The following SYT14 variants were observed in gnomAD, a reference collection of about 807,000 sequenced individuals.
SYT14 encodes synaptotagmin 14, also known as synaptotagmin-14.
In SYT14, 32 loss-of-function variants were observed where a neutral mutation model predicts 74.2. The observed-to-expected ratio is 0.43, with a 90% CI of 0.33 to 0.58. SYT14 has a LOEUF of 0.58. SYT14 is among the 20% of genes least tolerant of loss of function. The probability of loss-of-function intolerance (pLI) is 0.05; values close to 1 mark genes in which losing one functional copy is unlikely to be tolerated. For missense variants in SYT14, 791 were observed against 981.8 expected, an observed-to-expected ratio of 0.81 and a Z score of 2.60; for synonymous variants, 298 against 337.7, an observed-to-expected ratio of 0.88 and a Z score of 1.29.
rs575227959 is a variant in SYT14, at chr1:210,078,743, C to T, written c.1313-15579C>T. Among the ~76,000 whole-genome samples the T allele has an allele frequency of 9.1e-5, 13 of 142,736 alleles. 2 individuals carry two copies. The South Asian group carries it at 2.3e-3, about 26-fold the overall frequency. The allele number at this position is 142,736 out of a possible 152,430, so 93.6% of individuals were successfully genotyped here. ...GACCGTCTATGAATAATATGATATA[C>T]GTATGAATTTTTTTTTTTTTTGAGA... On this transcript the variant is annotated intron_variant, in intron 5 of 9. Transcript: ENST00000637265.
chr1:210,005,521 C>T (rs1217757600), intron 2 of SYT14, among the ~76,000 whole-genome samples: 2 of 151,770 alleles, frequency 1.3e-5, no homozygotes, highest in Non-Finnish European at 2.9e-5. Context: ...AAGCAGTGAC[C>T]TTAGATATTG....
intron 2 of SYT14, among the ~76,000 whole-genome samples, chr1:210,010,426 TG>T (rs2102910296): frequency 6.6e-6 from 1 of 152,286 alleles, no homozygotes; most frequent in African/African-American, 2.4e-5. Flanking sequence ...TGCCCATTAG[TG>T]CTTATAGAAT....
rs571211624 is a variant in SYT14 at position 210,034,294 on chromosome 1, A to G, written c.1312+13040A>G. On this transcript the variant is annotated intron_variant, in intron 5 of 9. Transcript: ENST00000637265. Reference sequence around the variant, plus strand: ...TAATGCACCAAACTTCTCCACTGAAATAACTTAGATAACATAATATGAGAA... The same window carrying G: ...TAATGCACCAAACTTCTCCACTGAAGTAACTTAGATAACATAATATGAGAA... 5.7e-4 allele frequency among the ~76,000 whole-genome samples: 86 copies of G among 151,908 alleles called. 1 individual carries two copies. The highest frequency in any genetic ancestry group is 2.0e-3 in the African/African-American group (84 of 41,538).
exon 1 of SYT14, chr1:209,938,230 G>C (rs766265342): frequency 1.3e-6 from 2 of 1,526,742 alleles, no homozygotes. Context: ...TGCTGCCCCC[G>C]CCATCCAGTT....
At chr1:210,077,927 C>T (rs915836354) in intron 5 of SYT14, among the ~76,000 whole-genome samples, 4 of 152,134 alleles carry the variant, frequency 2.6e-5, no homozygotes, top group African/African-American at 9.7e-5. Context: ...AGGTTTTATA[C>T]TAGAACTGAA....
At chr1:210,069,224 T>C (rs913716534) in intron 5 of SYT14, among the ~76,000 whole-genome samples, 9 of 151,972 alleles carry the variant, frequency 5.9e-5, no homozygotes, top group African/African-American at 2.2e-4. Context: ...TAATATCTAT[T>C]GTATCCAACA....
At chr1:209,954,001 C>T (rs1412346377) in intron 2 of SYT14, among the ~76,000 whole-genome samples, 4 of 152,180 alleles carry the variant, frequency 2.6e-5, no homozygotes, top group Non-Finnish European at 2.9e-5. Flanking sequence ...CTGCTGTATA[C>T]ATAAATCCAG....
chr1:209,942,439 C>A (rs1201819760), intron 1 of SYT14, among the ~76,000 whole-genome samples: 1 of 140,186 alleles, frequency 7.1e-6, no homozygotes, highest in Non-Finnish European at 1.5e-5. Context: ...AGTTAAAAAC[C>A]TGGACAACAA....
chr1:210,153,922 T>C (rs2102707445), intron 7 of SYT14, among the ~76,000 whole-genome samples: 1 of 152,336 alleles, frequency 6.6e-6, no homozygotes, highest in East Asian at 1.9e-4. Flanking sequence ...TCTAGATTCA[T>C]GAATGAGAAA....
At chr1:209,975,795 G>C (rs1485664134) in intron 2 of SYT14, among the ~76,000 whole-genome samples, 1 of 152,162 alleles carries the variant, frequency 6.6e-6, no homozygotes, top group Non-Finnish European at 1.5e-5. Flanking sequence ...GCTCCTCCTT[G>C]TACCTCTGGT....
chr1:210,111,018 A>ACTGCTGCTTGGTCTCC (rs2082251792), intron 7 of SYT14, among the ~76,000 whole-genome samples: 1 of 152,244 alleles, frequency 6.6e-6, no homozygotes, highest in Non-Finnish European at 1.5e-5. Flanking sequence ...TGCTGGGATT[A>ACTGCTGCTTGGTCTCC]CAGGTGTGAG....
intron 7 of SYT14, among the ~76,000 whole-genome samples, chr1:210,147,046 G>T (rs888323009): frequency 2.0e-5 from 3 of 151,998 alleles, no homozygotes; most frequent in African/African-American, 7.2e-5. Context: ...GGTCCACCAT[G>T]AATGACAGTA....
intron 2 of SYT14, among the ~76,000 whole-genome samples, chr1:209,991,809 G>A (rs1001096619): frequency 5.3e-5 from 8 of 150,054 alleles, no homozygotes; most frequent in African/African-American, 1.5e-4. Context: ...CAGCCTGGGC[G>A]ATAAAGCGAG....
chr1:210,157,485 T>A (rs760314104), intron 8 of SYT14, among the ~76,000 whole-genome samples: 29 of 150,914 alleles, frequency 1.9e-4, no homozygotes, highest in Admixed American at 9.9e-4. Context: ...CACAAGGGCC[T>A]GTAATCCCAG....
At chr1:210,167,123 G>A (rs1201875547) in exon 10 of SYT14, 1 of 152,112 alleles carries the variant, frequency 6.6e-6, no homozygotes, top group East Asian at 1.9e-4. Context: ...GTGAAGAATG[G>A]GGAGGTATTT....
chr1:210,079,479 A>G (rs2081579355), intron 5 of SYT14, among the ~76,000 whole-genome samples: 1 of 152,188 alleles, frequency 6.6e-6, no homozygotes, highest in South Asian at 2.1e-4. Flanking sequence ...AAAACGTAAT[A>G]GTGAAGATAT....
At chr1:210,140,284 T>C (rs1283303952) in intron 7 of SYT14, among the ~76,000 whole-genome samples, 5 of 152,180 alleles carry the variant, frequency 3.3e-5, no homozygotes, top group Non-Finnish European at 7.4e-5. Context: ...ATTAAAATCC[T>C]TTGCCTATTT....
At chr1:210,023,333 G>C (rs2080341111) in intron 5 of SYT14, among the ~76,000 whole-genome samples, 1 of 151,956 alleles carries the variant, frequency 6.6e-6, no homozygotes, top group Admixed American at 6.6e-5. Flanking sequence ...TAGAAATATA[G>C]AGGAAATTAA....
intron 5 of SYT14, among the ~76,000 whole-genome samples, chr1:210,068,796 T>A (rs1256608364): frequency 1.3e-5 from 2 of 151,722 alleles, no homozygotes; most frequent in African/African-American, 2.4e-5. Context: ...ATTGGTTTTT[T>A]AAAAATTTTA....
Sources: gnomAD v4.1 joint callset for allele counts (sites outside exome capture counted in the v4.1 genomes callset) on GRCh38, gnomAD v4.1.1 for gene constraint, MANE v1.5 for transcripts, NCBI Gene and HGNC (gene_info 2026-07-23, HGNC 2026-07-21) for gene names.